ANKRD30BL: variants seen among roughly 807,000 people sequenced by gnomAD.
ANKRD30BL encodes putative ankyrin repeat domain-containing protein 30B-like.
In ANKRD30BL, 20 loss-of-function variants were observed where a neutral mutation model predicts 18.4. The ratio of observed to expected loss-of-function variants is 1.09; its 90% CI spans 0.77 to 1.58. The LOEUF is 1.58. ANKRD30BL is among the 40% of genes most tolerant of loss of function. The probability of loss-of-function intolerance (pLI) is 0.00; values close to 1 mark genes in which losing one functional copy is unlikely to be tolerated. For synonymous variants in ANKRD30BL, 72 were observed against 100.9 expected (o/e 0.71, Z 1.72); for missense variants, 224 against 268.6 (o/e 0.83, Z 1.16).
At chr2:132,191,299 T>C (rs1678844547) in intron 1 of ANKRD30BL, among the ~76,000 whole-genome samples, 2 of 152,226 alleles carry the variant, frequency 1.3e-5, no homozygotes, top group African/African-American at 4.8e-5. Flanking sequence ...AATATGTTTA[T>C]CCTTTAGCCT....
At chr2:132,221,666 C>G (rs1394819714) in intron 1 of ANKRD30BL, among the ~76,000 whole-genome samples, 1 of 123,542 alleles carries the variant, frequency 8.1e-6, no homozygotes, top group Non-Finnish European at 1.6e-5. Flanking sequence ...CCCCGCCCGG[C>G]CAGCCGCCCC....
At chr2:132,206,216 A>G (rs1679210160) in intron 1 of ANKRD30BL, among the ~76,000 whole-genome samples, 1 of 152,154 alleles carries the variant, frequency 6.6e-6, no homozygotes, top group African/African-American at 2.4e-5. Flanking sequence ...TTAAAAAGAG[A>G]TGAGAAGTCA....
intron 1 of ANKRD30BL, among the ~76,000 whole-genome samples, chr2:132,176,367 A>G (rs1391085668): frequency 6.6e-6 from 1 of 152,130 alleles, no homozygotes; most frequent in Non-Finnish European, 1.5e-5. Flanking sequence ...GTCTCTACTA[A>G]AAATACAAAA....
intron 4 of ANKRD30BL, 76 bp downstream of exon 4, chr2:132,154,586 A>G (rs909589304): frequency 1.9e-6 from 1 of 530,110 alleles, no homozygotes; most frequent in African/African-American, 2.0e-5. Context: ...AATGTTACTA[A>G]TTTAATATTT....
chr2:132,192,320 A>AGGACCTGT, intron 1 of ANKRD30BL, among the ~76,000 whole-genome samples: 1 of 152,302 alleles, frequency 6.6e-6, no homozygotes, highest in East Asian at 1.9e-4. Context: ...ATGATCTTGC[A>AGGACCTGT]GGACCTGTAT....
At chr2:132,162,061 C>A (rs924069608), upstream of ANKRD30BL, 11 of 203,636 alleles carry the variant, frequency 5.4e-5, no homozygotes, top group Non-Finnish European at 1.1e-4. Flanking sequence ...GCTACTGAGG[C>A]GCTATCGGGC....
chr2:132,190,183 T>G (rs1168606105), intron 1 of ANKRD30BL, among the ~76,000 whole-genome samples: 2 of 152,162 alleles, frequency 1.3e-5, no homozygotes, highest in Non-Finnish European at 2.9e-5. Flanking sequence ...TAAAATTTGA[T>G]TTGAATGATA....
upstream of ANKRD30BL, among the ~76,000 whole-genome samples, chr2:132,164,990 C>A (rs1222210240): frequency 1.3e-5 from 2 of 152,020 alleles, no homozygotes; most frequent in East Asian, 3.9e-4. Context: ...GTGAGAATGG[C>A]GTGAATCCGG....
chr2:132,215,593 T>C (rs977095954), intron 1 of ANKRD30BL, among the ~76,000 whole-genome samples: 5 of 152,098 alleles, frequency 3.3e-5, no homozygotes, highest in African/African-American at 4.8e-5. Context: ...TCTCACAGAG[T>C]TGATCAATTC....
chr2:132,251,187 G>T (rs1437383602), intron 1 of ANKRD30BL, among the ~76,000 whole-genome samples: 2 of 152,140 alleles, frequency 1.3e-5, no homozygotes, highest in African/African-American at 4.8e-5. Context: ...AAAGGTACAG[G>T]GATGTCTTAG....
At chr2:132,221,305 G>A (rs527333172) in intron 1 of ANKRD30BL, among the ~76,000 whole-genome samples, 89 of 146,348 alleles carry the variant, frequency 6.1e-4, no homozygotes, top group Middle Eastern at 3.6e-3. Context: ...CAGTCGCCCC[G>A]TCCAGGAGGG....
At chr2:132,214,403 C>T (rs1203252458) in intron 1 of ANKRD30BL, among the ~76,000 whole-genome samples, 1 of 151,566 alleles carries the variant, frequency 6.6e-6, no homozygotes, top group Non-Finnish European at 1.5e-5. Context: ...AGAGTTGAAC[C>T]TTTCTTTTGA....
At chr2:132,156,171 G>A (rs1031157277) in intron 3 of ANKRD30BL, 1 of 149,324 alleles carries the variant, frequency 6.7e-6, no homozygotes, top group African/African-American at 2.4e-5. Context: ...ATTCTGTGGA[G>A]AAAGATATAA....
At chr2:132,159,151 A>G (rs895102663) in intron 1 of ANKRD30BL, among the ~76,000 whole-genome samples, 1 of 152,114 alleles carries the variant, frequency 6.6e-6, no homozygotes, top group African/African-American at 2.4e-5. Context: ...GTGTGTATGT[A>G]TAATCAAACT....
chr2:132,205,721 AG>A (rs1473631634), intron 1 of ANKRD30BL, among the ~76,000 whole-genome samples: 1 of 152,124 alleles, frequency 6.6e-6, no homozygotes, highest in East Asian at 1.9e-4. Flanking sequence ...GGAAATTTAA[AG>A]AAGGAAATGA....
Position 132,176,557 on chromosome 2 carries a change from G to A in ANKRD30BL, n.442-19411C>T, listed in dbSNP as rs1418307826. Among the ~76,000 whole-genome samples, 4 of 152,248 alleles carry A rather than the reference G, an allele frequency of 2.6e-5. No individual in the cohort carries two copies. The East Asian group carries it at 7.7e-4, about 29-fold the overall frequency. ...ACCTGGGAAGTGGAGGTTGCAGTGA[G>A]CCGAGGTTGTGCCATTGTACTCCAG... On this transcript the variant is annotated intron_variant and non_coding_transcript_variant, in intron 1 of 4. Coordinates refer to the ANKRD30BL transcript ENST00000470729.
Position 132,234,790 on chromosome 2 carries a change from T to C in ANKRD30BL, n.441+22739A>G, listed in dbSNP as rs1414183535. Among the ~76,000 whole-genome samples, 3 of 152,184 alleles carry C rather than the reference T, an allele frequency of 2.0e-5. No homozygotes were observed. In the East Asian group the frequency reaches 5.8e-4, roughly 29 times the overall value. Reference sequence around the variant, plus strand: ...GAACTGGTACCATTCCTTCTGAAACTATTCCAATCAATTGAAAAAGAGGGA... The same window carrying C: ...GAACTGGTACCATTCCTTCTGAAACCATTCCAATCAATTGAAAAAGAGGGA... On this transcript the variant is annotated intron_variant and non_coding_transcript_variant, in intron 1 of 4. Coordinates refer to the ANKRD30BL transcript ENST00000470729.
At chr2:132,188,122 T>G (rs1019642336) in intron 1 of ANKRD30BL, among the ~76,000 whole-genome samples, 4 of 152,180 alleles carry the variant, frequency 2.6e-5, no homozygotes, top group African/African-American at 9.7e-5. Context: ...TTTTCTGTGC[T>G]GTAAGTATTT....
At chr2:132,182,622 C>A (rs1487846930) in intron 1 of ANKRD30BL, among the ~76,000 whole-genome samples, 2 of 151,856 alleles carry the variant, frequency 1.3e-5, no homozygotes. Flanking sequence ...GGGATGGATA[C>A]AAATTGAAAG....
Sources: gnomAD v4.1 joint callset for allele counts (sites outside exome capture counted in the v4.1 genomes callset) on GRCh38, gnomAD v4.1.1 for gene constraint, MANE v1.5 for transcripts, NCBI Gene and HGNC (gene_info 2026-07-23, HGNC 2026-07-21) for gene names.